TMEM132D: variants seen among roughly 807,000 people sequenced by gnomAD.
TMEM132D encodes transmembrane protein 132D, also known as mature OL transmembrane protein.
Under a neutral mutation model 62.3 loss-of-function variants are expected in TMEM132D, and 21 were observed. The ratio of observed to expected loss-of-function variants is 0.34; its 90% CI spans 0.24 to 0.49. The LOEUF (loss-of-function observed/expected upper bound fraction) is 0.49, where lower values mean the gene tolerates loss of function less well. Among genes scored for constraint, TMEM132D ranks in the 20% least tolerant of loss-of-function variants. TMEM132D has a pLI of 0.99. For missense variants in TMEM132D, 1,346 were observed against 1,402.8 expected, an observed-to-expected ratio of 0.96 and a Z score of 0.65; for synonymous variants, 621 against 575.6, an observed-to-expected ratio of 1.08 and a Z score of -1.13.
chr12:129,769,327 A>G (rs1052681222), intron 1 of TMEM132D, among the ~76,000 whole-genome samples: 1 of 152,208 alleles, frequency 6.6e-6, no homozygotes, highest in Admixed American at 6.5e-5. Context: ...ACATGGCAGC[A>G]GGCAAGAGAG....
At chr12:129,149,646 GA>G (rs887595379) in intron 5 of TMEM132D, among the ~76,000 whole-genome samples, 11 of 152,312 alleles carry the variant, frequency 7.2e-5, no homozygotes, top group Admixed American at 5.2e-4. Context: ...AGGGAGAAGA[GA>G]AGAGTAAAAC....
intron 4 of TMEM132D, among the ~76,000 whole-genome samples, chr12:129,219,017 A>G (rs1879284473): frequency 6.6e-6 from 1 of 152,182 alleles, no homozygotes; most frequent in South Asian, 2.1e-4. Flanking sequence ...TGTAAACTCC[A>G]TGCTTGGGAA....
chr12:129,165,165 C>T (rs1039149470), intron 5 of TMEM132D, among the ~76,000 whole-genome samples: 8 of 152,302 alleles, frequency 5.3e-5, no homozygotes, highest in African/African-American at 1.9e-4. Context: ...AATAGGCAGA[C>T]TAATCTATTA....
intron 5 of TMEM132D, among the ~76,000 whole-genome samples, chr12:129,194,317 G>A (rs769851945): frequency 3.3e-4 from 50 of 152,182 alleles, no homozygotes; most frequent in Non-Finnish European, 5.7e-4. Context: ...GAACTGGACT[G>A]ACAGAGCCAT....
At chr12:129,512,451 C>A (rs182926768) in intron 3 of TMEM132D, among the ~76,000 whole-genome samples, 1 of 152,170 alleles carries the variant, frequency 6.6e-6, no homozygotes, top group East Asian at 1.9e-4. Flanking sequence ...ATAGCCAGCA[C>A]AGAGACGAAC....
chr12:129,680,669 A>G (rs1350661927), intron 2 of TMEM132D, among the ~76,000 whole-genome samples: 1 of 152,204 alleles, frequency 6.6e-6, no homozygotes, highest in Non-Finnish European at 1.5e-5. Context: ...CCCATCCCAG[A>G]TAACTGACAA....
At chr12:129,177,414 G>A (rs1210156045) in intron 5 of TMEM132D, among the ~76,000 whole-genome samples, 1 of 152,206 alleles carries the variant, frequency 6.6e-6, no homozygotes, top group East Asian at 1.9e-4. Flanking sequence ...AAGTGATAAT[G>A]ATAGGGAAAA....
intron 5 of TMEM132D, among the ~76,000 whole-genome samples, chr12:129,202,962 C>A (rs1878748876): frequency 6.6e-6 from 1 of 152,184 alleles, no homozygotes. Flanking sequence ...TTGCTGACAG[C>A]AAACATTTCT....
intron 1 of TMEM132D, among the ~76,000 whole-genome samples, chr12:129,898,892 G>A (rs1441751188): frequency 6.6e-6 from 1 of 152,198 alleles, no homozygotes; most frequent in Admixed American, 6.5e-5. Flanking sequence ...AGGAAGAGGG[G>A]AATGATGAAT....
chr12:129,236,334 G>C (rs1465779926), intron 4 of TMEM132D, among the ~76,000 whole-genome samples: 4 of 151,896 alleles, frequency 2.6e-5, no homozygotes, highest in Non-Finnish European at 5.9e-5. Flanking sequence ...GGCCAATATG[G>C]TGAAACCCTA....
At chr12:129,492,745 T>A (rs1008825939) in intron 3 of TMEM132D, among the ~76,000 whole-genome samples, 1 of 152,140 alleles carries the variant, frequency 6.6e-6, no homozygotes, top group African/African-American at 2.4e-5. Context: ...TTTTCTGTTT[T>A]CCACTCTCTA....
Position 129,561,997 on chromosome 12 carries a change from T to C in TMEM132D, c.969-30792A>G, listed in dbSNP as rs185697343. Among the ~76,000 whole-genome samples the C allele has an allele frequency of 7.2e-5, 11 of 152,294 alleles. No homozygotes were observed. The East Asian group carries it at 1.7e-3, about 24-fold the overall frequency. ...GTTTAAGTGGACTTACCTCCAGAAA[T>C]AGAAATGCCACTTTATTTTAATGAC... On this transcript the variant is annotated intron_variant, in intron 2 of 8. Coordinates refer to ENST00000422113, the MANE Select transcript of TMEM132D (RefSeq NM_133448.3).
intron 1 of TMEM132D, among the ~76,000 whole-genome samples, chr12:129,886,534 T>C (rs1038092083): frequency 1.6e-4 from 24 of 152,182 alleles, no homozygotes; most frequent in Admixed American, 2.0e-4. Context: ...CCTCCATTCA[T>C]ATAATGTAGT....
intron 3 of TMEM132D, among the ~76,000 whole-genome samples, chr12:129,451,072 ACTT>A (rs1198539537): frequency 1.3e-5 from 2 of 151,772 alleles, no homozygotes; most frequent in Non-Finnish European, 2.9e-5. Context: ...AATTTTCATC[ACTT>A]CTTATGAGGC....
Position 129,903,449 on chromosome 12 carries a change from C to G in TMEM132D, c.-110G>C. The G allele has an allele frequency of 8.3e-7, 1 of 1,201,694 alleles. No individual in the cohort carries two copies. The highest frequency in any genetic ancestry group is 1.2e-6 in the Non-Finnish European group (1 of 845,668). 74.4% of individuals were successfully genotyped at this position (1,201,694 alleles called of 1,614,324 possible). ...GCGGGGCCGGTGGCGAGGGAGCGCC[C>G]GGCTAGGGGCCCGAGCAGCCCGGGC... On this transcript the variant is annotated 5_prime_UTR_variant, in exon 1 of 9. Coordinates refer to ENST00000422113, the MANE Select transcript of TMEM132D (RefSeq NM_133448.3). This position sits in a 1 kb window ranked among gnomAD's most constrained non-coding sequence, Gnocchi z 6.2.
intron 4 of TMEM132D, among the ~76,000 whole-genome samples, chr12:129,303,178 C>T (rs1393477322): frequency 6.7e-6 from 1 of 148,538 alleles, no homozygotes. Context: ...GCAGAGCCTC[C>T]ACCATCATCA....
At chr12:129,085,565 C>T (rs1304768317) in intron 5 of TMEM132D, 1 of 152,290 alleles carries the variant, frequency 6.6e-6, no homozygotes, top group Non-Finnish European at 1.5e-5. Flanking sequence ...TTCTCAAGTG[C>T]ACGTCACAGG....
intron 5 of TMEM132D, among the ~76,000 whole-genome samples, chr12:129,207,927 T>C (rs1477218065): frequency 6.6e-6 from 1 of 152,222 alleles, no homozygotes; most frequent in East Asian, 1.9e-4. Flanking sequence ...AGTATTATTC[T>C]CTAGCTATTT....
intron 5 of TMEM132D, among the ~76,000 whole-genome samples, chr12:129,129,801 G>C (rs759715096): frequency 2.0e-5 from 3 of 152,082 alleles, no homozygotes; most frequent in Non-Finnish European, 2.9e-5. Flanking sequence ...GCTGAGAAGT[G>C]CCTGTTCATG....
Sources: allele counts gnomAD v4.1 joint callset (sites outside exome capture counted in the v4.1 genomes callset), GRCh38; gene constraint gnomAD v4.1.1; non-coding constraint Gnocchi (gnomAD v3.1); transcripts MANE v1.5; gene names NCBI Gene and HGNC (gene_info 2026-07-23, HGNC 2026-07-21).